WDR89: variants seen among roughly 807,000 people sequenced by gnomAD.
WDR89 encodes the protein WD repeat-containing protein 89.
Under a neutral mutation model 29.1 loss-of-function variants are expected in WDR89, and 17 were observed. The observed-to-expected ratio is 0.58, with a 90% confidence interval of 0.40 to 0.88. WDR89 has a LOEUF of 0.88. WDR89 is among the 40% of genes least tolerant of loss of function. The probability of loss-of-function intolerance (pLI) is 0.00; values close to 1 mark genes in which losing one functional copy is unlikely to be tolerated. For synonymous variants in WDR89, 138 were observed against 157.8 expected (o/e 0.87, Z 0.94); for missense variants, 396 against 456.3 (o/e 0.87, Z 1.20).
chr14:63,636,574 A>T (rs1007800704), intron 1 of WDR89, among the ~76,000 whole-genome samples: 1 of 152,204 alleles, frequency 6.6e-6, no homozygotes, highest in African/African-American at 2.4e-5. Context: ...AGGCACACAG[A>T]CCAATGGAAC....
At chr14:63,614,330 C>T (rs1882174984) in intron 2 of WDR89, among the ~76,000 whole-genome samples, 1 of 146,814 alleles carries the variant, frequency 6.8e-6, no homozygotes, top group Non-Finnish European at 1.5e-5. Flanking sequence ...TTTTTTGAGA[C>T]AGGGTCTCAC....
At position 63,598,810 on chromosome 14, in the gene WDR89, T is replaced by C. The variant is rs140633404; in HGVS notation, c.1133A>G (p.Asn378Ser). 1.3e-6 allele frequency: 2 copies of C among 1,596,922 alleles called. No homozygotes were observed. The highest frequency in any genetic ancestry group is 1.7e-6 in the Non-Finnish European group (2 of 1,171,978). The change falls in exon 3 of 3, where the codon AAT (asparagine) becomes AGT (serine). Residue 378 changes from asparagine (N) to serine (S), a missense_variant. Asn to Ser is a conservative substitution (Grantham distance 46). Transcript: ENST00000620954. ...SVHQRVRVHS[N>S]DSYKRRKKQ ...CTTTTTCCTTCTTTTATAAGAATCA[T>C]TACTATGAACTCGTACTCGTTGGTG...
chr14:63,638,349 G>C (rs1883882245), intron 1 of WDR89, among the ~76,000 whole-genome samples: 1 of 152,218 alleles, frequency 6.6e-6, no homozygotes, highest in Admixed American at 6.5e-5. Flanking sequence ...CCAGCTAGGA[G>C]GCTTACGTGG....
chr14:63,609,421 A>G (rs1012427825), intron 2 of WDR89, among the ~76,000 whole-genome samples: 1 of 152,178 alleles, frequency 6.6e-6, no homozygotes, highest in Non-Finnish European at 1.5e-5. Flanking sequence ...AATCTGAATA[A>G]ACTACAGCCA....
chr14:63,601,605 C>G (rs1229430056), intron 2 of WDR89: 8 of 1,613,102 alleles, frequency 5.0e-6, no homozygotes, highest in Non-Finnish European at 6.8e-6. Context: ...CATTATGCTT[C>G]CAGAAAAATC....
At chr14:63,620,118 A>C (rs960461415) in intron 2 of WDR89, among the ~76,000 whole-genome samples, 1 of 152,194 alleles carries the variant, frequency 6.6e-6, no homozygotes, top group African/African-American at 2.4e-5. Context: ...AATCAATCTA[A>C]GTGTTCATCA....
At chr14:63,603,995 G>C (rs1895199946) in intron 2 of WDR89, among the ~76,000 whole-genome samples, 3 of 152,206 alleles carry the variant, frequency 2.0e-5, no homozygotes, top group African/African-American at 4.8e-5. Context: ...CTGCATGTCT[G>C]CATGAGTGAC....
intron 2 of WDR89, among the ~76,000 whole-genome samples, chr14:63,610,702 CTTTTTT>C (rs1009799974): frequency 3.2e-4 from 41 of 129,122 alleles, no homozygotes; most frequent in African/African-American, 1.0e-3. Flanking sequence ...CTTTTCTTTT[CTTTTTT>C]TTTTTTTTTT....
At chr14:63,614,727 C>A (rs1453050946) in intron 2 of WDR89, among the ~76,000 whole-genome samples, 2 of 152,146 alleles carry the variant, frequency 1.3e-5, no homozygotes, top group African/African-American at 4.8e-5. Flanking sequence ...TAAACTAACA[C>A]AGAATTAGCT....
intron 2 of WDR89, among the ~76,000 whole-genome samples, chr14:63,621,417 G>A (rs1039965395): frequency 6.6e-6 from 1 of 152,034 alleles, no homozygotes; most frequent in African/African-American, 2.4e-5. Context: ...GACCAACATG[G>A]TGAAACCCCA....
rs1158621135 is a variant in WDR89, at chr14:63,599,588, T to TA, written c.354dup (p.Ile119TyrfsTer4). On this transcript the variant is annotated frameshift_variant, in exon 3 of 3. Transcript: ENST00000620954. LOFTEE classifies it high-confidence loss of function. ...TCATTACAATTAATATCAAAACTGATAAAAATATTGGAAGGGTAACCCTTG... is the reference window on the plus strand; with the variant it reads ...TCATTACAATTAATATCAAAACTGATAAAAAATATTGGAAGGGTAACCCTTG... 5.0e-6 allele frequency: 8 copies of TA among 1,614,104 alleles called. No individual in the cohort carries two copies. Among genetic ancestry groups the TA allele is most frequent in the Non-Finnish European group, 6.8e-6 (8 of 1,179,988 alleles).
At chr14:63,600,029 T>C in intron 2 of WDR89, 56 bp from the exon 3 acceptor site, 2 of 1,075,108 alleles carry the variant, frequency 1.9e-6, no homozygotes, top group African/African-American at 1.6e-5. Context: ...GGGAGACACA[T>C]AAAAAAATTT....
At chr14:63,635,272 A>G (rs1566802210) in intron 1 of WDR89, among the ~76,000 whole-genome samples, 1 of 152,206 alleles carries the variant, frequency 6.6e-6, no homozygotes, top group Non-Finnish European at 1.5e-5. Context: ...TCAAGAAGAT[A>G]ATCCTCCATG....
chr14:63,629,605 G>C (rs1006076736), intron 1 of WDR89, among the ~76,000 whole-genome samples: 9 of 152,198 alleles, frequency 5.9e-5, no homozygotes, highest in African/African-American at 1.7e-4. Context: ...TATGAGGACA[G>C]ACAAGCATGA....
chr14:63,603,309 C>G (rs183834360), intron 2 of WDR89, among the ~76,000 whole-genome samples: 13 of 152,180 alleles, frequency 8.5e-5, no homozygotes, highest in Non-Finnish European at 1.9e-4. Flanking sequence ...AAAAATGAAC[C>G]TTTTGATGAG....
chr14:63,640,756 G>T (rs1884059990), intron 1 of WDR89, among the ~76,000 whole-genome samples: 2 of 150,560 alleles, frequency 1.3e-5, no homozygotes, highest in East Asian at 3.9e-4. Flanking sequence ...GATTACTGGC[G>T]TGAGCCACCG....
At chr14:63,630,395 C>G (rs1883318778) in intron 1 of WDR89, among the ~76,000 whole-genome samples, 1 of 150,984 alleles carries the variant, frequency 6.6e-6, no homozygotes, top group South Asian at 2.1e-4. Flanking sequence ...GTAATCACAG[C>G]ACTTTGGGAG....
At chr14:63,641,097 CA>C (rs57478091) in intron 1 of WDR89, among the ~76,000 whole-genome samples, 9,866 of 64,024 alleles carry the variant, frequency 0.15, 556 homozygotes, top group African/African-American at 0.32. Context: ...GACTCCATCT[CA>C]AAAAAAAAAA....
intron 2 of WDR89, among the ~76,000 whole-genome samples, chr14:63,612,948 C>T (rs749680932): frequency 7.9e-5 from 12 of 152,116 alleles, no homozygotes; most frequent in Non-Finnish European, 1.2e-4. Context: ...TCAATGGGAT[C>T]TCAGATGAAA....
Sources: gnomAD v4.1 joint callset for allele counts (sites outside exome capture counted in the v4.1 genomes callset) on GRCh38, gnomAD v4.1.1 for gene constraint, MANE v1.5 for transcripts, NCBI Gene and HGNC (gene_info 2026-07-23, HGNC 2026-07-21) for gene names.